Variants in KCNQ3 observed in about 807,000 individuals in gnomAD.
The protein encoded by KCNQ3 is potassium voltage-gated channel subfamily KQT member 3.
Under a neutral mutation model 92.5 loss-of-function variants are expected in KCNQ3, and 30 were observed. That is an observed-to-expected ratio of 0.32 (90% confidence interval 0.24 to 0.44). The LOEUF is 0.44. Ranked by LOEUF, KCNQ3 falls within the 20% of genes least tolerant of loss-of-function variation. KCNQ3 has a pLI of 1.00. For synonymous variants in KCNQ3, 450 were observed against 468.8 expected (o/e 0.96, Z 0.52); for missense variants, 913 against 1,140.3 (o/e 0.80, Z 2.87).
At chr8:132,332,446 T>G (rs1818257367) in intron 1 of KCNQ3, among the ~76,000 whole-genome samples, 1 of 152,234 alleles carries the variant, frequency 6.6e-6, no homozygotes, top group African/African-American at 2.4e-5. Flanking sequence ...ACATCCAAAC[T>G]GTGCCACCTC....
chr8:132,185,665 G>T (rs552624126), intron 2 of KCNQ3, among the ~76,000 whole-genome samples: 7 of 152,324 alleles, frequency 4.6e-5, no homozygotes, highest in East Asian at 1.9e-4. Context: ...GAGGTTTCGT[G>T]TATAAATGGA....
At chr8:132,353,243 T>C (rs1042725924) in intron 1 of KCNQ3, among the ~76,000 whole-genome samples, 14 of 150,640 alleles carry the variant, frequency 9.3e-5, no homozygotes, top group African/African-American at 3.2e-4. Flanking sequence ...CCCCCAGCCC[T>C]CCGCCAAAAA....
intron 1 of KCNQ3, among the ~76,000 whole-genome samples, chr8:132,239,538 G>A (rs1170259736): frequency 6.6e-6 from 1 of 152,182 alleles, no homozygotes; most frequent in Non-Finnish European, 1.5e-5. Context: ...AGTACTCCAG[G>A]AAGCCTTGTA....
intron 1 of KCNQ3, among the ~76,000 whole-genome samples, chr8:132,216,678 A>T (rs1182545417): frequency 6.6e-6 from 1 of 152,198 alleles, no homozygotes; most frequent in Non-Finnish European, 1.5e-5. Flanking sequence ...AATGCCACAA[A>T]AAAAGGGGTG....
intron 1 of KCNQ3, among the ~76,000 whole-genome samples, chr8:132,274,062 T>G (rs1184291464): frequency 6.6e-6 from 1 of 152,212 alleles, no homozygotes; most frequent in Non-Finnish European, 1.5e-5. Flanking sequence ...TGCTTCCACA[T>G]TTTCAGGTAT....
intron 5 of KCNQ3, 67 bp from the exon 6 acceptor site, chr8:132,174,416 G>A (rs1826480343): frequency 1.7e-6 from 2 of 1,206,596 alleles, no homozygotes; most frequent in East Asian, 5.1e-5. Flanking sequence ...TGTTAACTGA[G>A]CTCTACCTGT....
chr8:132,228,759 GAAA>G (rs34561294), intron 1 of KCNQ3, among the ~76,000 whole-genome samples: 110 of 118,300 alleles, frequency 9.3e-4, no homozygotes, highest in African/African-American at 3.3e-3. Flanking sequence ...GCTGACTCTT[GAAA>G]AAAAAAAAAA....
At chr8:132,256,485 C>T (rs539286972) in intron 1 of KCNQ3, among the ~76,000 whole-genome samples, 6 of 151,994 alleles carry the variant, frequency 3.9e-5, no homozygotes, top group African/African-American at 1.4e-4. Context: ...GAAAAATATT[C>T]ATCTAAACAC....
intron 1 of KCNQ3, among the ~76,000 whole-genome samples, chr8:132,288,678 ATTGTATGGGTG>A (rs1816749235): frequency 1.3e-5 from 2 of 152,004 alleles, no homozygotes; most frequent in Admixed American, 6.6e-5. Flanking sequence ...AGGGCAGTGC[ATTGTATGGGTG>A]TTTTTTTTTC....
At chr8:132,306,214 T>C (rs2130598846) in intron 1 of KCNQ3, among the ~76,000 whole-genome samples, 1 of 152,346 alleles carries the variant, frequency 6.6e-6, no homozygotes, top group South Asian at 2.1e-4. Context: ...TTCTCTCAAA[T>C]GAGTGTTCTG....
At chr8:132,403,639 T>A (rs547759989) in intron 1 of KCNQ3, among the ~76,000 whole-genome samples, 1 of 152,254 alleles carries the variant, frequency 6.6e-6, no homozygotes, top group East Asian at 1.9e-4. Flanking sequence ...AAGGAAAGTA[T>A]CATAGTTCCA....
At chr8:132,273,168 G>A (rs549539059) in intron 1 of KCNQ3, among the ~76,000 whole-genome samples, 1 of 152,296 alleles carries the variant, frequency 6.6e-6, no homozygotes, top group East Asian at 1.9e-4. Flanking sequence ...CCTAGCAGAG[G>A]TTATCCATGA....
At chr8:132,173,940 T>C (rs1233273078) in intron 6 of KCNQ3, among the ~76,000 whole-genome samples, 2 of 152,210 alleles carry the variant, frequency 1.3e-5, no homozygotes, top group African/African-American at 4.8e-5. Context: ...TAGAAATGTG[T>C]AATCCTAGCA....
At chr8:132,180,458 G>A in intron 3 of KCNQ3, 129 bp from the exon 4 acceptor site, 2 of 948,612 alleles carry the variant, frequency 2.1e-6, no homozygotes, top group Non-Finnish European at 3.3e-6. Context: ...TCTGAGCACT[G>A]CTGTTGAATC....
At chr8:132,232,560 A>AT (rs1167558197) in intron 1 of KCNQ3, among the ~76,000 whole-genome samples, 1 of 152,194 alleles carries the variant, frequency 6.6e-6, no homozygotes, top group Non-Finnish European at 1.5e-5. Context: ...TATTTTGACT[A>AT]TTTTTTATTT....
At chr8:132,375,676 T>A (rs1368769994) in intron 1 of KCNQ3, among the ~76,000 whole-genome samples, 1 of 152,224 alleles carries the variant, frequency 6.6e-6, no homozygotes, top group Non-Finnish European at 1.5e-5. Flanking sequence ...TCCTAGGCTC[T>A]CCCTGCAAGA....
At chr8:132,200,913 T>A (rs1016747899) in intron 1 of KCNQ3, among the ~76,000 whole-genome samples, 10 of 152,188 alleles carry the variant, frequency 6.6e-5, no homozygotes, top group African/African-American at 2.4e-4. Flanking sequence ...TAACAGAATA[T>A]CACAGACTGA....
chr8:132,248,386 G>A (rs1416797918), intron 1 of KCNQ3, among the ~76,000 whole-genome samples: 1 of 150,952 alleles, frequency 6.6e-6, no homozygotes, highest in African/African-American at 2.4e-5. Context: ...TTCCAAGTAA[G>A]TATAGGAATA....
intron 1 of KCNQ3, among the ~76,000 whole-genome samples, chr8:132,356,800 G>A (rs960458480): frequency 6.6e-6 from 1 of 152,170 alleles, no homozygotes. Context: ...GATGGCCCAG[G>A]AATGGGATGG....
Sources: allele counts gnomAD v4.1 joint callset (sites outside exome capture counted in the v4.1 genomes callset), GRCh38; gene constraint gnomAD v4.1.1; transcripts MANE v1.5; gene names NCBI Gene and HGNC (gene_info 2026-07-23, HGNC 2026-07-21).